The following ENAH variants were observed in gnomAD, a reference collection of about 807,000 sequenced individuals.
ENAH encodes protein enabled homolog.
ENAH carries 23 observed loss-of-function variants against 78.7 expected under a neutral mutation model. The observed-to-expected ratio is 0.29, with a 90% CI of 0.21 to 0.41. The LOEUF (loss-of-function observed/expected upper bound fraction) is 0.41, where lower values mean the gene tolerates loss of function less well. Among genes scored for constraint, ENAH ranks in the 10% least tolerant of loss-of-function variants. ENAH has a pLI of 1.00. For synonymous variants in ENAH, 226 were observed against 241.0 expected (o/e 0.94, Z 0.58); for missense variants, 544 against 691.0 (o/e 0.79, Z 2.39).
intron 12 of ENAH, 135 bp downstream of exon 12, chr1:225,500,857 C>A: frequency 1.2e-6 from 1 of 801,490 alleles, no homozygotes; most frequent in South Asian, 2.0e-5. Context: ...CTACTAATGC[C>A]ACTGTTTAAT....
chr1:225,509,193 G>A (rs532999955), intron 10 of ENAH, among the ~76,000 whole-genome samples: 7 of 152,148 alleles, frequency 4.6e-5, no homozygotes, highest in South Asian at 2.1e-4. Flanking sequence ...GGGACAGGCC[G>A]AATCAGAAAC....
rs191252215 is a variant in ENAH at position 225,594,133 on chromosome 1, C to A, written c.6-26719G>T. 6.7e-3 allele frequency among the ~76,000 whole-genome samples: 1,014 copies of A among 152,280 alleles called. 14 individuals carry two copies. The highest frequency in any genetic ancestry group is 0.023 in the African/African-American group (955 of 41,552). ...GTTATCTTGAGAACCATTCACATTG[C>A]TTCTCTGGAACACTGCTAGATTCAA... On this transcript the variant is annotated intron_variant, in intron 1 of 13. Coordinates refer to ENST00000366843, the MANE Select transcript of ENAH (RefSeq NM_018212.6).
intron 4 of ENAH, 50 bp from the exon 5 acceptor site, chr1:225,519,615 A>G (rs764453713): frequency 6.4e-7 from 1 of 1,559,952 alleles, no homozygotes; most frequent in Non-Finnish European, 8.6e-7. Context: ...GCTACTCATC[A>G]TGAAAAAGCG....
rs955009538 is a variant in ENAH, at chr1:225,623,563, C to A, written c.5+29123G>T. Reference sequence around the variant, plus strand: ...CCCCCCAAGTTGTGAACATAGTACCCGACAAGTAGTGTTTTTTTGTTGGGT... The same window carrying A: ...CCCCCCAAGTTGTGAACATAGTACCAGACAAGTAGTGTTTTTTTGTTGGGT... On this transcript the variant is annotated intron_variant, in intron 1 of 13. Transcript: ENST00000366843. Among the ~76,000 whole-genome samples, 7 of 150,088 alleles carry A rather than the reference C, an allele frequency of 4.7e-5. No individual in the cohort carries two copies. In the South Asian group the frequency reaches 1.5e-3, roughly 32 times the overall value.
At chr1:225,646,191 T>C (rs182206636) in intron 1 of ENAH, among the ~76,000 whole-genome samples, 2 of 152,242 alleles carry the variant, frequency 1.3e-5, no homozygotes, top group East Asian at 3.9e-4. Flanking sequence ...GTAGTTATCT[T>C]CTGCTATAGA....
At chr1:225,498,973 G>C (rs985981870) in intron 12 of ENAH, among the ~76,000 whole-genome samples, 1 of 152,086 alleles carries the variant, frequency 6.6e-6, no homozygotes, top group Non-Finnish European at 1.5e-5. Context: ...TGTCCAATAC[G>C]GCAGGCACGA....
intron 1 of ENAH, among the ~76,000 whole-genome samples, chr1:225,594,192 A>C (rs1182093995): frequency 6.6e-6 from 1 of 152,216 alleles, no homozygotes; most frequent in East Asian, 1.9e-4. Flanking sequence ...AATGGATGTG[A>C]AAGTGACAGG....
intron 1 of ENAH, among the ~76,000 whole-genome samples, chr1:225,576,399 G>A (rs1471306050): frequency 6.6e-6 from 1 of 151,948 alleles, no homozygotes; most frequent in African/African-American, 2.4e-5. Context: ...TGAGTATACA[G>A]AAATACTATA....
chr1:225,591,118 T>A (rs2096873503), intron 1 of ENAH, among the ~76,000 whole-genome samples: 1 of 152,232 alleles, frequency 6.6e-6, no homozygotes, highest in Admixed American at 6.5e-5. Flanking sequence ...ATATTTTGTG[T>A]TATCAGAATC....
intron 3 of ENAH, among the ~76,000 whole-genome samples, chr1:225,544,087 T>C (rs1436540533): frequency 2.0e-5 from 3 of 152,206 alleles, no homozygotes; most frequent in South Asian, 4.1e-4. Context: ...AGAGTGGAAG[T>C]GGTTCCTGCA....
In ENAH at chr1:225,554,197, T is replaced by C. The variant is rs75157855; in HGVS notation, c.349+709A>G. The stretch of plus-strand genomic sequence containing the variant: ...GTAATCATATTTGTGTTTTCATGTA[T>C]AACAATTATTTCCTGATTATAAAAT... On this transcript the variant is annotated intron_variant, in intron 3 of 13. Transcript: ENST00000366843. Among the ~76,000 whole-genome samples the C allele has an allele frequency of 3.1e-3, 465 of 152,298 alleles. 7 individuals carry two copies. Among genetic ancestry groups the C allele is most frequent in the East Asian group, 0.02 (103 of 5,194 alleles).
chr1:225,637,644 G>A (rs1191504834), intron 1 of ENAH, among the ~76,000 whole-genome samples: 1 of 152,156 alleles, frequency 6.6e-6, no homozygotes, highest in Non-Finnish European at 1.5e-5. Context: ...CTGGGTGCTG[G>A]TTTTTAATTT....
intron 1 of ENAH, among the ~76,000 whole-genome samples, chr1:225,606,848 A>C (rs1373906830): frequency 6.8e-6 from 1 of 147,986 alleles, no homozygotes; most frequent in African/African-American, 2.6e-5. Context: ...GTCTCAAAAA[A>C]AAAAAAAAAA....
intron 1 of ENAH, among the ~76,000 whole-genome samples, chr1:225,602,921 A>G (rs981526432): frequency 1.3e-5 from 2 of 152,110 alleles, no homozygotes; most frequent in Non-Finnish European, 2.9e-5. Context: ...AATTCAATAA[A>G]CAGCCTACAA....
chr1:225,631,159 T>C (rs1185330685), intron 1 of ENAH, among the ~76,000 whole-genome samples: 1 of 152,180 alleles, frequency 6.6e-6, no homozygotes, highest in Non-Finnish European at 1.5e-5. Context: ...CTATACCCTA[T>C]ACTGACTGAC....
intron 1 of ENAH, among the ~76,000 whole-genome samples, chr1:225,612,840 C>CA (rs58398492): frequency 0.072 from 10,615 of 147,336 alleles, 1,254 homozygotes; most frequent in African/African-American, 0.24. Context: ...TACAATAATG[C>CA]AAAAAAAAGG....
intron 1 of ENAH, among the ~76,000 whole-genome samples, chr1:225,584,445 T>C (rs1207954132): frequency 6.6e-6 from 1 of 151,932 alleles, no homozygotes; most frequent in African/African-American, 2.4e-5. Context: ...TAAAATAGAA[T>C]TCTAAAGGTA....
chr1:225,541,952 T>C (rs2096591332), intron 3 of ENAH, among the ~76,000 whole-genome samples: 2 of 152,124 alleles, frequency 1.3e-5, no homozygotes, highest in Non-Finnish European at 2.9e-5. Flanking sequence ...TGAGTTCCAG[T>C]GAAGTGGAAC....
chr1:225,596,338 T>C (rs2096901812), intron 1 of ENAH, among the ~76,000 whole-genome samples: 1 of 152,196 alleles, frequency 6.6e-6, no homozygotes, highest in Admixed American at 6.5e-5. Flanking sequence ...CTGATCCTTC[T>C]ACGAGTCAGA....
Sources: allele counts gnomAD v4.1 joint callset (sites outside exome capture counted in the v4.1 genomes callset), GRCh38; gene constraint gnomAD v4.1.1; transcripts MANE v1.5; gene names NCBI Gene and HGNC (gene_info 2026-07-23, HGNC 2026-07-21).